Variants in C2CD3 observed in about 807,000 individuals in gnomAD.
C2CD3 encodes C2 domain containing 3 centriole elongation regulator, also known as C2 domain-containing protein 3.
C2CD3 carries 148 observed loss-of-function variants against 234.0 expected under a neutral mutation model. That is an observed-to-expected ratio of 0.63 (90% confidence interval 0.55 to 0.72). The LOEUF (loss-of-function observed/expected upper bound fraction) is 0.72. Among genes scored for constraint, C2CD3 ranks in the 30% least tolerant of loss-of-function variants. C2CD3 has a pLI of 0.00. For missense variants in C2CD3, 2,577 were observed against 2,811.5 expected (o/e 0.92, Z 1.89); for synonymous variants, 1,000 against 1,035.4 (o/e 0.97, Z 0.66).
intron 20 of C2CD3, among the ~76,000 whole-genome samples, chr11:74,090,173 C>A (rs551991401): frequency 3.3e-5 from 5 of 151,978 alleles, no homozygotes; most frequent in African/African-American, 1.2e-4. Flanking sequence ...GGGTGGGGCA[C>A]GTGGTTTAGA....
At chr11:74,103,779 T>C (rs776320612) in intron 13 of C2CD3, among the ~76,000 whole-genome samples, 154 bp from the exon 14 acceptor site, 2 of 152,184 alleles carry the variant, frequency 1.3e-5, no homozygotes, top group Non-Finnish European at 2.9e-5. Flanking sequence ...GCATATACAT[T>C]AACTTGCTAG....
chr11:74,034,227 G>C lies in C2CD3; in HGVS notation c.5933C>G (p.Ala1978Gly). 1 of 1,536,148 alleles carries C rather than the reference G, an allele frequency of 6.5e-7. No individual in the cohort carries two copies. The highest frequency in any genetic ancestry group is 8.7e-7 in the Non-Finnish European group (1 of 1,146,882). ...GGTGGCCTTGTTGCTTCTACTCCTG[G>C]CTCGGTGAGAACTCAAAGCTGCTTG... ...DSQAALSSHR[A>G]RSRSNKATTL... The change falls in exon 31 of 33, where the codon GCC becomes GGC. Residue 1978 changes from alanine to glycine, a missense_variant. Ala to Gly is a moderately conservative substitution (Grantham distance 60). Transcript: ENST00000334126.
At chr11:74,083,899 T>C (rs1432580835) in intron 22 of C2CD3, among the ~76,000 whole-genome samples, 1 of 152,144 alleles carries the variant, frequency 6.6e-6, no homozygotes, top group Admixed American at 6.5e-5. Flanking sequence ...TCCTCAAGGA[T>C]CTAGAAATAG....
Position 74,170,733 on chromosome 11 carries a change from G to A in C2CD3, c.55+5C>T. On this transcript the variant is annotated splice_donor_5th_base_variant and intron_variant, in intron 1 of 32. Transcript: ENST00000334126. ...CTTTCCTCAATCTTTGATCGCTCAGGTTACCTCTTTTTTTGCGCCCACGGC... is the reference window on the plus strand; with the variant it reads ...CTTTCCTCAATCTTTGATCGCTCAGATTACCTCTTTTTTTGCGCCCACGGC... 2 of 1,614,118 alleles carry A rather than the reference G, an allele frequency of 1.2e-6. No homozygotes were observed. Among genetic ancestry groups the A allele is most frequent in the South Asian group, 1.1e-5 (1 of 91,082 alleles).
At chr11:74,049,894 C>G (rs866121040) in intron 26 of C2CD3, among the ~76,000 whole-genome samples, 1 of 136,446 alleles carries the variant, frequency 7.3e-6, no homozygotes, top group African/African-American at 3.7e-5. Flanking sequence ...AATCCTCCCT[C>G]TTCAGTCTCC....
chr11:74,074,014 A>G (rs1206625104), intron 24 of C2CD3, among the ~76,000 whole-genome samples: 1 of 152,238 alleles, frequency 6.6e-6, no homozygotes, highest in East Asian at 1.9e-4. Flanking sequence ...ATGATTTGAC[A>G]GTGGATAAGG....
intron 29 of C2CD3, among the ~76,000 whole-genome samples, chr11:74,038,458 G>C (rs1445357554): frequency 6.6e-6 from 1 of 152,160 alleles, no homozygotes; most frequent in South Asian, 2.1e-4. Context: ...TATGAGATCA[G>C]TAATTATAAA....
At chr11:74,028,727 T>A (rs1291139356) in intron 31 of C2CD3, among the ~76,000 whole-genome samples, 1 of 152,246 alleles carries the variant, frequency 6.6e-6, no homozygotes, top group Non-Finnish European at 1.5e-5. Context: ...TATGATTATT[T>A]TCCTCAATCT....
At chr11:74,077,817 A>AGTCTC (rs1565263190) in intron 23 of C2CD3, among the ~76,000 whole-genome samples, 8 of 29,502 alleles carry the variant, frequency 2.7e-4, no homozygotes, top group Non-Finnish European at 5.2e-4. Flanking sequence ...ATATATATAT[A>AGTCTC]TATATATATA....
chr11:74,041,219 C>G (rs900164445), intron 29 of C2CD3, among the ~76,000 whole-genome samples: 4 of 152,082 alleles, frequency 2.6e-5, no homozygotes, highest in Non-Finnish European at 5.9e-5. Flanking sequence ...GGTAATAATT[C>G]TTAGTCTGAC....
chr11:74,130,608 T>C (rs1957635657), intron 7 of C2CD3, among the ~76,000 whole-genome samples: 1 of 152,176 alleles, frequency 6.6e-6, no homozygotes, highest in Non-Finnish European at 1.5e-5. Context: ...TGTTGCCCCA[T>C]TGATTGGTCT....
intron 11 of C2CD3, among the ~76,000 whole-genome samples, chr11:74,111,649 C>T (rs1019634328): frequency 9.2e-5 from 14 of 152,058 alleles, no homozygotes; most frequent in African/African-American, 3.1e-4. Context: ...TGCATTAATA[C>T]TTGCAGAAAC....
chr11:74,084,523 G>A lies in C2CD3; in HGVS notation c.4000+358C>T, dbSNP rs575230216. Reference sequence around the variant, plus strand: ...ACTCCTGACCTCAGGTGATCTGCCCGCCTTGGCTTCCCAAAGTGCTGGGAT... The same window carrying A: ...ACTCCTGACCTCAGGTGATCTGCCCACCTTGGCTTCCCAAAGTGCTGGGAT... On this transcript the variant is annotated intron_variant, in intron 22 of 32. Transcript: ENST00000334126. 6.2e-4 allele frequency among the ~76,000 whole-genome samples: 94 copies of A among 152,058 alleles called. 1 individual carries two copies. Among genetic ancestry groups the A allele is most frequent in the African/African-American group, 1.8e-3 (74 of 41,498 alleles).
At chr11:74,026,286 A>G (rs2135406551) in intron 32 of C2CD3, among the ~76,000 whole-genome samples, 1 of 151,914 alleles carries the variant, frequency 6.6e-6, no homozygotes. Context: ...CAGTCTGGGC[A>G]ACAGTGTGAG....
intron 31 of C2CD3, among the ~76,000 whole-genome samples, chr11:74,029,058 G>A (rs1952418776): frequency 6.6e-6 from 1 of 152,204 alleles, no homozygotes; most frequent in South Asian, 2.1e-4. Context: ...GACCAGTACA[G>A]CTGGTCCAAT....
At chr11:74,114,186 T>C (rs1486876650) in intron 10 of C2CD3, among the ~76,000 whole-genome samples, 198 bp downstream of exon 10, 5 of 152,076 alleles carry the variant, frequency 3.3e-5, no homozygotes, top group Non-Finnish European at 7.4e-5. Flanking sequence ...AAGAACAGAG[T>C]CTGTATCTTA....
At chr11:74,032,973 A>T (rs538021918) in intron 31 of C2CD3, among the ~76,000 whole-genome samples, 1 of 152,214 alleles carries the variant, frequency 6.6e-6, no homozygotes, top group East Asian at 1.9e-4. Flanking sequence ...AAAAATGTAC[A>T]TAAAGTGCTC....
chr11:74,032,776 G>A (rs1952575488), intron 31 of C2CD3, among the ~76,000 whole-genome samples: 1 of 151,554 alleles, frequency 6.6e-6, no homozygotes, highest in Admixed American at 6.6e-5. Flanking sequence ...GAGGTGGGAG[G>A]ATCACCTGAG....
chr11:74,118,543 A>G (rs1957102423), intron 8 of C2CD3, among the ~76,000 whole-genome samples, 161 bp from the exon 9 acceptor site: 1 of 152,232 alleles, frequency 6.6e-6, no homozygotes, highest in African/African-American at 2.4e-5. Flanking sequence ...TCCTGGTTAT[A>G]CAAAAATAAT....
Sources: gnomAD v4.1 joint callset for allele counts (sites outside exome capture counted in the v4.1 genomes callset) on GRCh38, gnomAD v4.1.1 for gene constraint, MANE v1.5 for transcripts, NCBI Gene and HGNC (gene_info 2026-07-23, HGNC 2026-07-21) for gene names.